Variants in GLIS3 observed in about 807,000 individuals in gnomAD.
The protein encoded by GLIS3 is GLIS family zinc finger 3, also known as zinc finger protein GLIS3.
GLIS3 carries 53 observed loss-of-function variants against 78.6 expected under a neutral mutation model. The observed-to-expected ratio is 0.67, with a 90% CI of 0.54 to 0.85. GLIS3 has a LOEUF of 0.85. Among genes scored for constraint, GLIS3 ranks in the 40% least tolerant of loss-of-function variants. GLIS3 has a pLI of 0.00. For missense variants in GLIS3, 1,703 were observed against 1,231.1 expected (o/e 1.38, Z -5.74); for synonymous variants, 684 against 509.9 (o/e 1.34, Z -4.60).
chr9:4,474,018 C>T, the GLIS3 span, among the ~76,000 whole-genome samples: 3 of 131,292 alleles, frequency 2.3e-5, no homozygotes, highest in Non-Finnish European at 5.5e-5. Flanking sequence ...ATGTCAGTTC[C>T]CCCCTAAAGC....
At chr9:4,032,628 C>T (rs115698416) in intron 4 of GLIS3, among the ~76,000 whole-genome samples, 5 of 152,076 alleles carry the variant, frequency 3.3e-5, no homozygotes, top group Non-Finnish European at 7.4e-5. Flanking sequence ...ACATACGCAA[C>T]GTGTCAAGTG....
At chr9:3,876,696 G>GA (rs1821341630) in intron 8 of GLIS3, among the ~76,000 whole-genome samples, 3 of 14,414 alleles carry the variant, frequency 2.1e-4, no homozygotes, top group Non-Finnish European at 4.1e-4. Flanking sequence ...GGAGGGAGGG[G>GA]AGGGAGGGGA....
At chr9:4,395,811 G>C in the GLIS3 span, among the ~76,000 whole-genome samples, 236 of 135,278 alleles carry the variant, frequency 1.7e-3, no homozygotes, top group African/African-American at 6.3e-3. Context: ...CTCTCGCTCT[G>C]TCACCGGGCT....
chr9:4,275,992 C>T (rs1345475217), intron 2 of GLIS3, among the ~76,000 whole-genome samples: 1 of 151,818 alleles, frequency 6.6e-6, no homozygotes, highest in Non-Finnish European at 1.5e-5. Flanking sequence ...TTAGAAAATG[C>T]TACAGGTTAG....
the GLIS3 span, among the ~76,000 whole-genome samples, chr9:4,393,376 A>G: frequency 1.3e-5 from 2 of 152,176 alleles, no homozygotes; most frequent in Admixed American, 6.6e-5. Context: ...TAAAAAAATG[A>G]TATCCTCTTA....
chr9:4,174,710 T>C (rs1013604419), intron 2 of GLIS3, among the ~76,000 whole-genome samples: 4 of 152,238 alleles, frequency 2.6e-5, no homozygotes, highest in African/African-American at 9.6e-5. Context: ...GGCTTTTAAA[T>C]CCCGTGCTGC....
In GLIS3 at chr9:3,879,448, G is replaced by T. The variant is rs1821573147; in HGVS notation, c.2276C>A (p.Ala759Asp). 3.7e-6 allele frequency: 6 copies of T among 1,614,102 alleles called. No homozygotes were observed. The highest frequency in any genetic ancestry group is 1.3e-5 in the African/African-American group (1 of 75,012). The change falls in exon 8 of 11, where the codon GCT (alanine) becomes GAT (aspartate). Residue 759 changes from alanine (A) to aspartate (D), a missense_variant. Coordinates refer to ENST00000381971, the MANE Select transcript of GLIS3 (RefSeq NM_001042413.2). Reference sequence around the variant, plus strand: ...TTACCTCTCAGCTCCTGCGTCCACAGCTGTGAGTGGAGGTAACTGGGAGGA... The same window carrying T: ...TTACCTCTCAGCTCCTGCGTCCACATCTGTGAGTGGAGGTAACTGGGAGGA... ...NPSSQLPPLT[A>D]VDAGAERFAP...
intron 4 of GLIS3, among the ~76,000 whole-genome samples, chr9:4,030,885 T>C (rs1436844769): frequency 6.6e-6 from 1 of 152,156 alleles, no homozygotes; most frequent in East Asian, 1.9e-4. Context: ...GCTGACATTA[T>C]CAAAAGCTGC....
chr9:4,031,025 T>A (rs1024072565), intron 4 of GLIS3, among the ~76,000 whole-genome samples: 1 of 152,178 alleles, frequency 6.6e-6, no homozygotes, highest in Non-Finnish European at 1.5e-5. Flanking sequence ...TGGAGAAATT[T>A]GAACATTCGT....
chr9:3,903,945 C>A lies in GLIS3; in HGVS notation c.1984-5110G>T, dbSNP rs187637647. ...AGCATGGCTGGGGTGGGGTGTAACA[C>A]TGAGAGAGAAGGAAGAAATGAGGTC... On this transcript the variant is annotated intron_variant, in intron 6 of 10. Transcript: ENST00000381971. Among the ~76,000 whole-genome samples, 1,257 of 152,210 alleles carry A rather than the reference C, an allele frequency of 8.3e-3. 13 individuals are homozygous for A. Among genetic ancestry groups the A allele is most frequent in the Middle Eastern group, 0.024 (7 of 294 alleles).
At chr9:3,989,507 G>C (rs1436098121) in intron 4 of GLIS3, among the ~76,000 whole-genome samples, 2 of 152,182 alleles carry the variant, frequency 1.3e-5, no homozygotes, top group African/African-American at 4.8e-5. Context: ...TCACCAGGCA[G>C]ATGTCAACTA....
chr9:4,333,517 C>T (rs1349470434), intron 2 of GLIS3, among the ~76,000 whole-genome samples: 1 of 152,170 alleles, frequency 6.6e-6, no homozygotes, highest in African/African-American at 2.4e-5. Flanking sequence ...AGTGACAGAA[C>T]AAGATCTTGC....
At chr9:3,907,600 C>CACACACACA (rs1563836806) in intron 6 of GLIS3, among the ~76,000 whole-genome samples, 65 of 120,392 alleles carry the variant, frequency 5.4e-4, no homozygotes, top group South Asian at 1.8e-3. Context: ...ATCCTCCACC[C>CACACACACA]CCCAAACACA....
chr9:3,867,436 A>G (rs1472803731), intron 8 of GLIS3, among the ~76,000 whole-genome samples: 1 of 152,162 alleles, frequency 6.6e-6, no homozygotes, highest in Non-Finnish European at 1.5e-5. Flanking sequence ...GACCTAACTG[A>G]TATTTGCCAG....
chr9:4,448,411 T>C, the GLIS3 span, among the ~76,000 whole-genome samples: 1 of 152,220 alleles, frequency 6.6e-6, no homozygotes, highest in Non-Finnish European at 1.5e-5. Context: ...ACAGCTCCAG[T>C]ATCTCCTGAT....
intron 1 of GLIS3, among the ~76,000 whole-genome samples, chr9:4,297,534 G>A (rs1002214373): frequency 6.6e-6 from 1 of 152,206 alleles, no homozygotes; most frequent in Non-Finnish European, 1.5e-5. Context: ...CCAACTCTCG[G>A]GAGATGCTGA....
At chr9:3,831,365 G>A (rs1183130541) in intron 9 of GLIS3, among the ~76,000 whole-genome samples, 1 of 152,130 alleles carries the variant, frequency 6.6e-6, no homozygotes, top group African/African-American at 2.4e-5. Context: ...CATCCAATAT[G>A]AGCAAACTGT....
intron 2 of GLIS3, among the ~76,000 whole-genome samples, chr9:4,268,381 T>C (rs1826206647): frequency 6.6e-6 from 1 of 152,218 alleles, no homozygotes. Context: ...CCTACCATTA[T>C]TCTTTCAAAT....
At chr9:4,161,246 C>T (rs1324677008) in intron 2 of GLIS3, among the ~76,000 whole-genome samples, 1 of 151,938 alleles carries the variant, frequency 6.6e-6, no homozygotes, top group East Asian at 1.9e-4. Flanking sequence ...GCACTCCAGC[C>T]TGGGAGACAA....
Sources: gnomAD v4.1 joint callset for allele counts (sites outside exome capture counted in the v4.1 genomes callset) on GRCh38, gnomAD v4.1.1 for gene constraint, MANE v1.5 for transcripts, NCBI Gene and HGNC (gene_info 2026-07-23, HGNC 2026-07-21) for gene names.